The following PALM2AKAP2 variants were observed in gnomAD, a reference collection of about 807,000 sequenced individuals.
The protein encoded by PALM2AKAP2 is PALM2-AKAP2 fusion protein.
A neutral mutation model predicts 71.5 loss-of-function variants in PALM2AKAP2; 37 were observed. The observed-to-expected ratio is 0.52, with a 90% CI of 0.40 to 0.68. PALM2AKAP2 has a LOEUF of 0.68. PALM2AKAP2 is among the 30% of genes least tolerant of loss of function. The probability of loss-of-function intolerance (pLI) is 0.00; values close to 1 mark genes in which losing one functional copy is unlikely to be tolerated. For missense variants in PALM2AKAP2, 1,224 were observed against 1,191.8 expected, an observed-to-expected ratio of 1.03 and a Z score of -0.40; for synonymous variants, 468 against 478.8, an observed-to-expected ratio of 0.98 and a Z score of 0.29.
At chr9:110,053,920 G>A (rs1337311882) in intron 1 of PALM2AKAP2, among the ~76,000 whole-genome samples, 1 of 152,214 alleles carries the variant, frequency 6.6e-6, no homozygotes, top group Admixed American at 6.5e-5. Flanking sequence ...TATGGGCAGG[G>A]GCTTTGTGGT....
intron 1 of PALM2AKAP2, among the ~76,000 whole-genome samples, chr9:110,124,875 T>C (rs1420867239): frequency 6.6e-6 from 1 of 152,084 alleles, no homozygotes; most frequent in Admixed American, 6.5e-5. Flanking sequence ...TGAAATGATA[T>C]GAGTAAAAAA....
chr9:110,008,293 G>A (rs1263245624), intron 6 of PALM2AKAP2, among the ~76,000 whole-genome samples: 1 of 152,082 alleles, frequency 6.6e-6, no homozygotes, highest in Admixed American at 6.6e-5. Context: ...TGTTTTCTGA[G>A]TCCCAACACA....
At chr9:109,809,923 C>G (rs1165878963) in intron 1 of PALM2AKAP2, among the ~76,000 whole-genome samples, 1 of 152,156 alleles carries the variant, frequency 6.6e-6, no homozygotes, top group Non-Finnish European at 1.5e-5. Flanking sequence ...TGTTTGCTTC[C>G]CCTTCTGCCA....
intron 1 of PALM2AKAP2, among the ~76,000 whole-genome samples, chr9:109,676,018 A>G (rs919704602): frequency 6.6e-6 from 1 of 152,188 alleles, no homozygotes; most frequent in African/African-American, 2.4e-5. Flanking sequence ...CAACATCCCA[A>G]ATTGAGACAA....
At chr9:110,045,129 A>G (rs1397860087), upstream of PALM2AKAP2, among the ~76,000 whole-genome samples, 1 of 152,094 alleles carries the variant, frequency 6.6e-6, no homozygotes, top group African/African-American at 2.4e-5. Context: ...AAGTGAGTAA[A>G]AATGTACACT....
chr9:109,969,718 G>T (rs541859410), intron 6 of PALM2AKAP2, among the ~76,000 whole-genome samples: 32 of 152,282 alleles, frequency 2.1e-4, no homozygotes, highest in African/African-American at 7.7e-4. Context: ...CTTGGCAGAG[G>T]CTGGGAGCCT....
intron 1 of PALM2AKAP2, among the ~76,000 whole-genome samples, chr9:109,831,248 A>G (rs1420519085): frequency 1.3e-5 from 2 of 151,628 alleles, no homozygotes; most frequent in East Asian, 3.9e-4. Context: ...TCCCACTTAT[A>G]GCGATGTGTG....
chr9:109,695,559 C>T (rs1564116199), intron 1 of PALM2AKAP2, among the ~76,000 whole-genome samples: 1 of 152,090 alleles, frequency 6.6e-6, no homozygotes, highest in East Asian at 1.9e-4. Context: ...TGTTGTTGAA[C>T]ATTTTTCATA....
intron 1 of PALM2AKAP2, among the ~76,000 whole-genome samples, chr9:109,782,274 C>G (rs903437010): frequency 6.6e-6 from 1 of 152,040 alleles, no homozygotes; most frequent in Admixed American, 6.5e-5. Flanking sequence ...CACACAAATA[C>G]TCACTTGTGC....
chr9:110,088,231 G>A (rs1588100782), intron 1 of PALM2AKAP2, among the ~76,000 whole-genome samples: 1 of 140,132 alleles, frequency 7.1e-6, no homozygotes, highest in Non-Finnish European at 1.5e-5. Context: ...TGGTTACTTG[G>A]TGTATGCCCT....
intron 1 of PALM2AKAP2, among the ~76,000 whole-genome samples, chr9:110,118,740 C>T (rs984698676): frequency 6.6e-6 from 1 of 152,180 alleles, no homozygotes; most frequent in South Asian, 2.1e-4. Flanking sequence ...TGAATAGAAG[C>T]TTACCTACAC....
At chr9:109,841,194 G>A in intron 1 of PALM2AKAP2, among the ~76,000 whole-genome samples, 1 of 151,904 alleles carries the variant, frequency 6.6e-6, no homozygotes, top group Middle Eastern at 3.4e-3. Flanking sequence ...CCATAAAAAA[G>A]GATGAGTTCA....
chr9:109,995,914 T>C (rs1265856213), intron 6 of PALM2AKAP2, among the ~76,000 whole-genome samples: 1 of 152,132 alleles, frequency 6.6e-6, no homozygotes, highest in Non-Finnish European at 1.5e-5. Context: ...AGAGGAAGGA[T>C]GAGGCAGGAA....
intron 1 of PALM2AKAP2, among the ~76,000 whole-genome samples, chr9:109,823,707 A>G (rs955609891): frequency 6.6e-6 from 1 of 152,208 alleles, no homozygotes; most frequent in Non-Finnish European, 1.5e-5. Flanking sequence ...GGGGTCTCAG[A>G]AAACATCTAC....
intron 1 of PALM2AKAP2, among the ~76,000 whole-genome samples, chr9:110,074,647 A>G (rs1159888484): frequency 1.3e-5 from 2 of 152,204 alleles, no homozygotes; most frequent in Non-Finnish European, 2.9e-5. Flanking sequence ...TTATAAACAC[A>G]CACACGCACA....
chr9:110,094,664 G>A (rs1163106001), intron 1 of PALM2AKAP2, among the ~76,000 whole-genome samples: 1 of 127,568 alleles, frequency 7.8e-6, no homozygotes, highest in African/African-American at 2.9e-5. Context: ...ATAGCACCAC[G>A]GGGCGGGGGG....
intron 6 of PALM2AKAP2, among the ~76,000 whole-genome samples, chr9:109,988,472 G>A (rs1319444418): frequency 2.0e-5 from 3 of 151,170 alleles, no homozygotes; most frequent in African/African-American, 7.3e-5. Flanking sequence ...CTTATAAGAT[G>A]TTAACATTTA....
chr9:109,675,437 A>G (rs1413359767), intron 1 of PALM2AKAP2, among the ~76,000 whole-genome samples: 1 of 152,210 alleles, frequency 6.6e-6, no homozygotes, highest in Non-Finnish European at 1.5e-5. Context: ...ATATATTGGT[A>G]GGCTAAATGC....
At chr9:110,101,922 C>T (rs886559006) in intron 1 of PALM2AKAP2, among the ~76,000 whole-genome samples, 2 of 152,230 alleles carry the variant, frequency 1.3e-5, no homozygotes, top group South Asian at 2.1e-4. Context: ...CCAGATTACT[C>T]CTGCCACCAC....
Sources: allele counts gnomAD v4.1 joint callset (sites outside exome capture counted in the v4.1 genomes callset), GRCh38; gene constraint gnomAD v4.1.1; transcripts MANE v1.5; gene names NCBI Gene and HGNC (gene_info 2026-07-23, HGNC 2026-07-21).